The following ARHGEF37 variants were observed in gnomAD, a reference collection of about 807,000 sequenced individuals.
The protein encoded by ARHGEF37 is Rho guanine nucleotide exchange factor 37.
In ARHGEF37, 55 loss-of-function variants were observed where a neutral mutation model predicts 71.1. That is an observed-to-expected ratio of 0.77 (90% CI 0.62 to 0.97). The LOEUF (loss-of-function observed/expected upper bound fraction) is 0.97. Among genes scored for constraint, ARHGEF37 ranks in the 50% least tolerant of loss-of-function variants. The pLI is 0.00. For synonymous variants in ARHGEF37, 327 were observed against 350.6 expected, an observed-to-expected ratio of 0.93 and a Z score of 0.75; for missense variants, 765 against 836.8, an observed-to-expected ratio of 0.91 and a Z score of 1.06.
upstream of ARHGEF37, among the ~76,000 whole-genome samples, chr5:149,579,377 C>A (rs915979850): frequency 7.9e-5 from 12 of 152,300 alleles, no homozygotes; most frequent in African/African-American, 2.9e-4. Context: ...GGACAAGCCA[C>A]TTAGCCACTC....
chr5:149,577,461 C>T (rs1432080381), upstream of ARHGEF37, among the ~76,000 whole-genome samples: 2 of 152,178 alleles, frequency 1.3e-5, no homozygotes, highest in African/African-American at 4.8e-5. Context: ...ACATTTGGCA[C>T]AACTTACCTC....
At chr5:149,556,892 A>G (rs556053374) in intron 1 of ARHGEF37, among the ~76,000 whole-genome samples, 1 of 152,316 alleles carries the variant, frequency 6.6e-6, no homozygotes, top group East Asian at 1.9e-4. Flanking sequence ...GTAATTGAAA[A>G]CATGAAGACA....
In ARHGEF37 at chr5:149,601,196, C is replaced by T. The variant is rs779592089; in HGVS notation, c.275C>T (p.Thr92Ile). 1 of 1,612,996 alleles carries T rather than the reference C, an allele frequency of 6.2e-7. No homozygotes were observed. Among genetic ancestry groups the T allele is most frequent in the Non-Finnish European group, 8.5e-7 (1 of 1,179,142 alleles). Residue 92 changes from threonine (T) to isoleucine (I), a missense_variant, in exon 3 of 13, where the codon ACA (threonine) becomes ATA (isoleucine). By Grantham distance (89) the Thr-to-Ile change is moderately conservative. This residue lies in a region of ARHGEF37 where 201 missense variants were observed against 217.5 expected (regional missense o/e 0.92). Coordinates refer to ENST00000333677, the MANE Select transcript of ARHGEF37 (RefSeq NM_001001669.3). ...NSRFLHDLQE[T>I]ASKEEEQVQL... ...AGATTCCTCCATGATCTGCAGGAGA[C>T]AGCCTCCAAGGAAGAGGAACAAGTG...
rs1762942013 is a variant in ARHGEF37 at position 149,569,873 on chromosome 5, G to A, written c.-12+17750G>A. On this transcript the variant is annotated intron_variant, in intron 1 of 2. Coordinates refer to the ARHGEF37 transcript ENST00000505810. Reference sequence around the variant, plus strand: ...TGACCTCAGATGATGTGCCCGCCTCGACCTCCCAAAGTGCTGGGATTTCAG... The same window carrying A: ...TGACCTCAGATGATGTGCCCGCCTCAACCTCCCAAAGTGCTGGGATTTCAG... Among the ~76,000 whole-genome samples the A allele has an allele frequency of 2.6e-5, 4 of 152,170 alleles. No homozygotes were observed. The South Asian group carries it at 6.2e-4, about 24-fold the overall frequency.
At chr5:149,590,476 T>C (rs1268693508) in intron 1 of ARHGEF37, among the ~76,000 whole-genome samples, 2 of 151,846 alleles carry the variant, frequency 1.3e-5, no homozygotes, top group African/African-American at 4.8e-5. Flanking sequence ...GAGACGAGGG[T>C]TCACCATGTT....
At chr5:149,605,384 A>G (rs1180827493) in intron 3 of ARHGEF37, among the ~76,000 whole-genome samples, 3 of 152,220 alleles carry the variant, frequency 2.0e-5, no homozygotes, top group Non-Finnish European at 4.4e-5. Context: ...ATATTTTAAC[A>G]TGTAATCAGT....
At chr5:149,583,812 GTGCAGTGA>G (rs778173344) in intron 1 of ARHGEF37, among the ~76,000 whole-genome samples, 8 of 152,144 alleles carry the variant, frequency 5.3e-5, no homozygotes, top group Non-Finnish European at 1.0e-4. Flanking sequence ...CCCAGGCTGA[GTGCAGTGA>G]TGCAGTCACA....
chr5:149,599,113 T>C (rs967290706), intron 2 of ARHGEF37, among the ~76,000 whole-genome samples: 3 of 152,190 alleles, frequency 2.0e-5, no homozygotes, highest in Admixed American at 1.3e-4. Flanking sequence ...GAGCTGTACC[T>C]GATGGAGCTT....
chr5:149,586,478 GT>G (rs1459468692), intron 1 of ARHGEF37, among the ~76,000 whole-genome samples: 1 of 152,188 alleles, frequency 6.6e-6, no homozygotes, highest in African/African-American at 2.4e-5. Flanking sequence ...GGCCAGGCTG[GT>G]CTCGAACTCC....
chr5:149,575,006 T>C (rs982564627), intron 1 of ARHGEF37, among the ~76,000 whole-genome samples: 1 of 152,188 alleles, frequency 6.6e-6, no homozygotes, highest in African/African-American at 2.4e-5. Flanking sequence ...TTAAATAATA[T>C]TATGCTGTTC....
intron 1 of ARHGEF37, among the ~76,000 whole-genome samples, chr5:149,566,509 TC>T (rs989665328): frequency 3.5e-5 from 2 of 57,334 alleles, no homozygotes; most frequent in Non-Finnish European, 7.0e-5. Context: ...CCCCCCATCC[TC>T]CCCCCCAAAA....
chr5:149,599,111 C>A (rs1343728169), intron 2 of ARHGEF37, among the ~76,000 whole-genome samples: 7 of 152,172 alleles, frequency 4.6e-5, no homozygotes, highest in Admixed American at 4.6e-4. Context: ...GTGAGCTGTA[C>A]CTGATGGAGC....
chr5:149,621,241 T>C (rs1275336532), intron 8 of ARHGEF37, among the ~76,000 whole-genome samples: 1 of 152,182 alleles, frequency 6.6e-6, no homozygotes, highest in Non-Finnish European at 1.5e-5. Flanking sequence ...GGCAGGAGGA[T>C]TGCTTGAGCC....
chr5:149,613,287 T>C (rs1435303478), intron 4 of ARHGEF37, among the ~76,000 whole-genome samples: 1 of 152,110 alleles, frequency 6.6e-6, no homozygotes, highest in East Asian at 1.9e-4. Flanking sequence ...AATTTTCTAC[T>C]GTATATTTAT....
At position 149,628,978 on chromosome 5, in the gene ARHGEF37, A is replaced by G; in HGVS notation, c.1818+12A>G. 6.2e-7 allele frequency: 1 copy of G among 1,609,738 alleles called. No individual in the cohort carries two copies. The highest frequency in any genetic ancestry group is 8.5e-7 in the Non-Finnish European group (1 of 1,178,576). The stretch of plus-strand genomic sequence containing the variant: ...CCACCATGAACCAGGTGAGTATAGG[A>G]GAGGGCTGGGGGCTTGCCTCCCATC... On this transcript the variant is annotated intron_variant, in intron 12 of 12. Coordinates refer to ENST00000333677, the MANE Select transcript of ARHGEF37 (RefSeq NM_001001669.3).
chr5:149,591,226 CAA>C (rs113486514), intron 1 of ARHGEF37, among the ~76,000 whole-genome samples: 39,123 of 143,136 alleles, frequency 0.27, 5,871 homozygotes, highest in Admixed American at 0.43. Context: ...TGTTCCATCT[CAA>C]AAAAAAAAAA....
intron 3 of ARHGEF37, among the ~76,000 whole-genome samples, chr5:149,604,674 C>A (rs892020196): frequency 2.8e-4 from 38 of 136,666 alleles, no homozygotes; most frequent in African/African-American, 1.1e-3. Context: ...GGCAGCAACA[C>A]CATTTTTTTT....
intron 3 of ARHGEF37, 31 bp downstream of exon 3, chr5:149,601,262 T>G: frequency 6.2e-7 from 1 of 1,601,088 alleles, no homozygotes; most frequent in South Asian, 1.1e-5. Flanking sequence ...GTTGTCAGCC[T>G]TAGATTCTCA....
chr5:149,585,156 T>A (rs568071040), intron 1 of ARHGEF37, among the ~76,000 whole-genome samples: 27 of 152,242 alleles, frequency 1.8e-4, no homozygotes, highest in Non-Finnish European at 3.4e-4. Flanking sequence ...TACCAGATGT[T>A]GACCAGAAGG....
Sources: allele counts gnomAD v4.1 joint callset (sites outside exome capture counted in the v4.1 genomes callset), GRCh38; gene constraint gnomAD v4.1.1; regional missense constraint gnomAD v4.1.1; transcripts MANE v1.5; gene names NCBI Gene and HGNC (gene_info 2026-07-23, HGNC 2026-07-21).